The following SPATS2L variants were observed in gnomAD, a reference collection of about 807,000 sequenced individuals.
SPATS2L encodes the protein spermatogenesis associated serine rich 2 like.
A neutral mutation model predicts 59.6 loss-of-function variants in SPATS2L; 30 were observed. The observed-to-expected ratio is 0.50, with a 90% CI of 0.38 to 0.68. The LOEUF (loss-of-function observed/expected upper bound fraction) is 0.68, where lower values mean the gene tolerates loss of function less well. Ranked by LOEUF, SPATS2L falls within the 30% of genes least tolerant of loss-of-function variation. The pLI is 0.00. For synonymous variants in SPATS2L, 252 were observed against 263.5 expected (o/e 0.96, Z 0.42); for missense variants, 615 against 700.0 (o/e 0.88, Z 1.37).
At chr2:200,404,176 A>C (rs2082619380) in intron 3 of SPATS2L, among the ~76,000 whole-genome samples, 1 of 152,202 alleles carries the variant, frequency 6.6e-6, no homozygotes, top group South Asian at 2.1e-4. Context: ...GAACACGCTC[A>C]GCACTTTGGG....
At chr2:200,414,253 T>C (rs777370865) in intron 4 of SPATS2L, among the ~76,000 whole-genome samples, 6 of 152,174 alleles carry the variant, frequency 3.9e-5, no homozygotes, top group Non-Finnish European at 8.8e-5. Flanking sequence ...ACCTTGTCAG[T>C]GTTGAGATCT....
intron 1 of SPATS2L, among the ~76,000 whole-genome samples, chr2:200,320,362 T>C (rs531082289): frequency 6.6e-6 from 1 of 152,330 alleles, no homozygotes; most frequent in African/African-American, 2.4e-5. Flanking sequence ...AATAATTTTG[T>C]AAAATAAAAT....
chr2:200,473,385 C>T (rs893526933), intron 12 of SPATS2L, among the ~76,000 whole-genome samples: 3 of 152,202 alleles, frequency 2.0e-5, no homozygotes, highest in Admixed American at 6.5e-5. Flanking sequence ...CCAGCCCACA[C>T]GTGGAAGGGA....
At chr2:200,342,467 C>G (rs951982850) in intron 2 of SPATS2L, among the ~76,000 whole-genome samples, 1 of 152,168 alleles carries the variant, frequency 6.6e-6, no homozygotes, top group Non-Finnish European at 1.5e-5. Flanking sequence ...CTTCCTCCTC[C>G]GTCTGATGCT....
chr2:200,382,999 G>C (rs2105913691), intron 2 of SPATS2L, among the ~76,000 whole-genome samples: 1 of 152,304 alleles, frequency 6.6e-6, no homozygotes, highest in East Asian at 1.9e-4. Flanking sequence ...TTATGTTCCA[G>C]GATGGAGACA....
chr2:200,475,170 C>A (rs1353578133), intron 12 of SPATS2L, among the ~76,000 whole-genome samples: 2 of 152,188 alleles, frequency 1.3e-5, no homozygotes, highest in Non-Finnish European at 2.9e-5. Context: ...AGGCCCCTTA[C>A]AATGTGGGAT....
intron 1 of SPATS2L, among the ~76,000 whole-genome samples, chr2:200,315,762 G>T (rs1436135839): frequency 6.6e-6 from 1 of 150,994 alleles, no homozygotes; most frequent in Non-Finnish European, 1.5e-5. Flanking sequence ...AGGGCATACG[G>T]ACTGTCAGAA....
chr2:200,438,761 T>G (rs1414284228), intron 6 of SPATS2L, among the ~76,000 whole-genome samples: 4 of 152,246 alleles, frequency 2.6e-5, no homozygotes, highest in Non-Finnish European at 5.9e-5. Context: ...CTTAAAAGAC[T>G]CATAAGCCTT....
At chr2:200,390,321 C>T (rs529766999) in intron 3 of SPATS2L, 1 of 152,222 alleles carries the variant, frequency 6.6e-6, no homozygotes, top group Non-Finnish European at 1.5e-5. Flanking sequence ...GTTCCTGCTC[C>T]CATGGAGCTC....
chr2:200,307,651 C>T (rs1360228331), intron 1 of SPATS2L, among the ~76,000 whole-genome samples: 1 of 152,212 alleles, frequency 6.6e-6, no homozygotes, highest in Non-Finnish European at 1.5e-5. Context: ...GCGCTGGACG[C>T]CGGCGCACTC....
chr2:200,356,594 A>C (rs901962745), intron 2 of SPATS2L, among the ~76,000 whole-genome samples: 25 of 152,246 alleles, frequency 1.6e-4, no homozygotes, highest in Non-Finnish European at 2.5e-4. Flanking sequence ...GATCAAAGAC[A>C]TAGTGGAGGA....
chr2:200,371,954 T>C (rs1157780744), intron 2 of SPATS2L, among the ~76,000 whole-genome samples: 1 of 152,210 alleles, frequency 6.6e-6, no homozygotes, highest in Non-Finnish European at 1.5e-5. Context: ...AGCCGTAGAT[T>C]TGAGGCATTT....
intron 2 of SPATS2L, among the ~76,000 whole-genome samples, chr2:200,347,343 C>T (rs115792526): frequency 6.6e-6 from 1 of 152,254 alleles, no homozygotes; most frequent in African/African-American, 2.4e-5. Flanking sequence ...TTCCAGGAAA[C>T]CTCTTCAGTG....
intron 9 of SPATS2L, chr2:200,461,250 A>G (rs984470755): frequency 2.6e-5 from 4 of 152,250 alleles, no homozygotes; most frequent in Admixed American, 2.6e-4. Flanking sequence ...TTAATGTACC[A>G]AATTCTCTGT....
chr2:200,447,618 G>A (rs577928653), intron 8 of SPATS2L, among the ~76,000 whole-genome samples: 2 of 152,268 alleles, frequency 1.3e-5, no homozygotes, highest in South Asian at 2.1e-4. Context: ...CATGAGGAAT[G>A]AGTCAAGATT....
chr2:200,350,851 G>A (rs143785063), intron 2 of SPATS2L, among the ~76,000 whole-genome samples: 4,583 of 152,156 alleles, frequency 0.03, 87 homozygotes, highest in Middle Eastern at 0.078. Flanking sequence ...TAAATTTTAA[G>A]TAGACCTAAA....
intron 9 of SPATS2L, among the ~76,000 whole-genome samples, chr2:200,465,702 A>G (rs937751336): frequency 5.9e-5 from 9 of 152,220 alleles, no homozygotes; most frequent in African/African-American, 2.2e-4. Context: ...TAGACTAATT[A>G]TTTTATTAAC....
intron 10 of SPATS2L, among the ~76,000 whole-genome samples, chr2:200,468,157 T>C (rs977265118): frequency 6.6e-6 from 1 of 151,874 alleles, no homozygotes; most frequent in East Asian, 1.9e-4. Flanking sequence ...TTGGGTCACG[T>C]CCATCATTTG....
At chr2:200,371,391 G>A (rs1185890363) in intron 2 of SPATS2L, among the ~76,000 whole-genome samples, 4 of 152,312 alleles carry the variant, frequency 2.6e-5, no homozygotes, top group Admixed American at 2.6e-4. Flanking sequence ...TGAAGGCAGA[G>A]CTAGCACATT....
Sources: gnomAD v4.1 joint callset for allele counts (sites outside exome capture counted in the v4.1 genomes callset) on GRCh38, gnomAD v4.1.1 for gene constraint, MANE v1.5 for transcripts, NCBI Gene and HGNC (gene_info 2026-07-23, HGNC 2026-07-21) for gene names.